The following SUMF2 variants were observed in gnomAD, a reference collection of about 807,000 sequenced individuals.
SUMF2 encodes the protein sulfatase modifying factor 2.
A neutral mutation model predicts 44.8 loss-of-function variants in SUMF2; 45 were observed. The observed-to-expected ratio is 1.00, with a 90% CI of 0.79 to 1.29. The LOEUF (loss-of-function observed/expected upper bound fraction) is 1.29. SUMF2 is among the 50% of genes most tolerant of loss of function. The pLI, the probability that SUMF2 is intolerant of heterozygous loss-of-function variation, is 0.00. For synonymous variants in SUMF2, 148 were observed against 150.4 expected, an observed-to-expected ratio of 0.98 and a Z score of 0.12; for missense variants, 418 against 389.9, an observed-to-expected ratio of 1.07 and a Z score of -0.61.
intron 1 of SUMF2, among the ~76,000 whole-genome samples, chr7:56,066,909 C>T (rs1297750303): frequency 1.3e-5 from 2 of 152,214 alleles, no homozygotes; most frequent in Non-Finnish European, 2.9e-5. Flanking sequence ...TGTGAGCCAT[C>T]GCACCTGGCC....
chr7:56,075,064 G>C (rs1259577323), intron 5 of SUMF2, among the ~76,000 whole-genome samples: 2 of 152,054 alleles, frequency 1.3e-5, no homozygotes, highest in African/African-American at 4.8e-5. Flanking sequence ...CACCACTGCT[G>C]TCTGGCCTGA....
intron 8 of SUMF2, chr7:56,079,170 G>A (rs901746366): frequency 1.4e-5 from 7 of 492,548 alleles, no homozygotes; most frequent in African/African-American, 3.9e-5. Flanking sequence ...CACTGCACCC[G>A]GCCGTGATAT....
chr7:56,074,479 C>A, intron 4 of SUMF2, 107 bp from the exon 5 acceptor site: 1 of 1,446,774 alleles, frequency 6.9e-7, no homozygotes, highest in Non-Finnish European at 9.4e-7. Context: ...TCTTCCAGCT[C>A]TCTTGCTCCA....
downstream of SUMF2, chr7:56,081,549 G>A: frequency 2.0e-6 from 3 of 1,507,558 alleles, no homozygotes; most frequent in Non-Finnish European, 9.1e-7. The surrounding 1 kb of genome is among the most constrained non-coding windows in gnomAD (Gnocchi z 4.6). Flanking sequence ...AATTCACGGG[G>A]TGTAAGGACT....
At chr7:56,064,769 G>T (rs896849920) in intron 1 of SUMF2, among the ~76,000 whole-genome samples, 15 of 150,680 alleles carry the variant, frequency 1.0e-4, no homozygotes, top group African/African-American at 3.7e-4. Flanking sequence ...TGTAATCCCA[G>T]CTACTCGGGA....
downstream of SUMF2, chr7:56,081,072 C>T (rs1341495119): frequency 6.2e-7 from 1 of 1,612,592 alleles, no homozygotes; most frequent in Non-Finnish European, 8.5e-7. This position sits in a 1 kb window ranked among gnomAD's most constrained non-coding sequence, Gnocchi z 4.6. Flanking sequence ...CCTCCTCGGC[C>T]AGGGAGAGGA....
At chr7:56,087,216 TTATTA>T in the SUMF2 span, among the ~76,000 whole-genome samples, 1 of 147,584 alleles carries the variant, frequency 6.8e-6, no homozygotes, top group Non-Finnish European at 1.5e-5. Context: ...ATTATTATTA[TTATTA>T]TTATTATTAT....
chr7:56,076,573 T>G, intron 5 of SUMF2: 1 of 380,814 alleles, frequency 2.6e-6, no homozygotes, highest in African/African-American at 2.1e-5. Context: ...CATGAACTGA[T>G]AACAGATGCT....
At chr7:56,081,637 T>C (rs1163392255), downstream of SUMF2, 18 of 1,613,382 alleles carry the variant, frequency 1.1e-5, no homozygotes, top group Non-Finnish European at 1.5e-5. This position sits in a 1 kb window ranked among gnomAD's most constrained non-coding sequence, Gnocchi z 4.6. Flanking sequence ...TACCTTGAAC[T>C]TCCCCCGGGG....
chr7:56,078,252 G>C, intron 7 of SUMF2, 66 bp downstream of exon 7: 3 of 1,573,850 alleles, frequency 1.9e-6, no homozygotes, highest in Non-Finnish European at 2.6e-6. Flanking sequence ...ATGTCTGAGA[G>C]AGGAGGCAGA....
At chr7:56,078,313 C>G (rs561741543) in intron 7 of SUMF2, 51 bp from the exon 8 acceptor site, 7 of 1,556,736 alleles carry the variant, frequency 4.5e-6, no homozygotes, top group Non-Finnish European at 6.1e-6. Context: ...AGAGGGTAGG[C>G]GGGGTGGTCG....
chr7:56,064,470 T>G (rs1794608654), intron 1 of SUMF2, 92 bp downstream of exon 1: 2 of 1,470,126 alleles, frequency 1.4e-6, no homozygotes, highest in Admixed American at 5.8e-5. Flanking sequence ...TTCTGCCGGC[T>G]TCCGGGATGC....
At chr7:56,065,296 TGCTCCTGCGGAATC>T in intron 1 of SUMF2, among the ~76,000 whole-genome samples, 1 of 151,644 alleles carries the variant, frequency 6.6e-6, no homozygotes, top group East Asian at 1.9e-4. Context: ...TGGCCAGTCC[TGCTCCTGCGGAATC>T]GCACACTCCC....
chr7:56,087,284 C>T, the SUMF2 span, among the ~76,000 whole-genome samples: 7 of 151,344 alleles, frequency 4.6e-5, no homozygotes, highest in East Asian at 1.4e-3. Context: ...TGTAATAGTG[C>T]AATCATAACT....
the SUMF2 span, chr7:56,087,657 C>T: frequency 2.0e-5 from 33 of 1,613,836 alleles, no homozygotes; most frequent in South Asian, 6.6e-5. Flanking sequence ...CGTGGCTTCT[C>T]GCAGCTCCCG....
downstream of SUMF2, chr7:56,081,016 C>T (rs772342866): frequency 3.7e-6 from 6 of 1,607,220 alleles, no homozygotes; most frequent in Non-Finnish European, 5.1e-6. This position sits in a 1 kb window ranked among gnomAD's most constrained non-coding sequence, Gnocchi z 4.6. Context: ...GCTTCCCCTC[C>T]CCACCTGCCC....
At chr7:56,084,350 A>G (rs1447209938), downstream of SUMF2, 3 of 611,356 alleles carry the variant, frequency 4.9e-6, no homozygotes, top group African/African-American at 3.9e-5. Flanking sequence ...GACCCAGATC[A>G]GAAGGACGTG....
chr7:56,071,397 G>A (rs999481316), intron 2 of SUMF2, among the ~76,000 whole-genome samples: 5 of 152,080 alleles, frequency 3.3e-5, no homozygotes, highest in Admixed American at 6.6e-5. Context: ...GCTGAGGCAC[G>A]AGAATCTCTT....
downstream of SUMF2, among the ~76,000 whole-genome samples, chr7:56,082,450 G>T (rs1414516963): frequency 6.6e-6 from 1 of 152,132 alleles, no homozygotes; most frequent in East Asian, 1.9e-4. Flanking sequence ...AAAATTAGCT[G>T]GGCGTGGTGG....
Sources: gnomAD v4.1 joint callset for allele counts (sites outside exome capture counted in the v4.1 genomes callset) on GRCh38, gnomAD v4.1.1 for gene constraint, Gnocchi (gnomAD v3.1) non-coding constraint, MANE v1.5 for transcripts, NCBI Gene and HGNC (gene_info 2026-07-23, HGNC 2026-07-21) for gene names.